DNAJC1: variants seen among roughly 807,000 people sequenced by gnomAD.
DNAJC1 encodes the protein dnaJ homolog subfamily C member 1.
A neutral mutation model predicts 76.6 loss-of-function variants in DNAJC1; 58 were observed. That is an observed-to-expected ratio of 0.76 (90% CI 0.61 to 0.94). The LOEUF is 0.94. DNAJC1 is among the 40% of genes least tolerant of loss of function. DNAJC1 has a pLI of 0.00. For missense variants in DNAJC1, 689 were observed against 677.3 expected (o/e 1.02, Z -0.19); for synonymous variants, 258 against 267.9 (o/e 0.96, Z 0.36).
At chr10:21,969,256 T>C (rs1239639569) in intron 1 of DNAJC1, among the ~76,000 whole-genome samples, 1 of 146,662 alleles carries the variant, frequency 6.8e-6, no homozygotes, top group African/African-American at 2.5e-5. Flanking sequence ...AGGAAAATCC[T>C]AGGGACAAAG....
chr10:21,851,047 C>T (rs1341665881), intron 8 of DNAJC1, among the ~76,000 whole-genome samples: 1 of 152,006 alleles, frequency 6.6e-6, no homozygotes. Flanking sequence ...ATAAGAAAAA[C>T]CATAAAATTC....
At chr10:21,935,069 TACTC>T (rs749852145) in intron 1 of DNAJC1, among the ~76,000 whole-genome samples, 3 of 152,112 alleles carry the variant, frequency 2.0e-5, no homozygotes, top group African/African-American at 4.8e-5. Flanking sequence ...AAATGTCTAA[TACTC>T]AATAAAAAAT....
chr10:21,885,572 T>C (rs760075523), intron 7 of DNAJC1, among the ~76,000 whole-genome samples: 2 of 152,176 alleles, frequency 1.3e-5, no homozygotes, highest in Admixed American at 6.5e-5. Flanking sequence ...TACTCTAAAA[T>C]TGATCACATA....
chr10:21,971,830 A>G (rs367815267), intron 1 of DNAJC1, among the ~76,000 whole-genome samples: 8 of 152,036 alleles, frequency 5.3e-5, no homozygotes, highest in Admixed American at 1.3e-4. Context: ...TCATGGTATT[A>G]CAACTGATGG....
At chr10:21,869,215 C>CAAA (rs552376355) in intron 8 of DNAJC1, among the ~76,000 whole-genome samples, 5 of 94,436 alleles carry the variant, frequency 5.3e-5, no homozygotes, top group African/African-American at 7.7e-5. Context: ...GACCATATCT[C>CAAA]AAAAAAAAAA....
chr10:21,845,866 G>A (rs1373435428), intron 8 of DNAJC1, among the ~76,000 whole-genome samples: 1 of 151,996 alleles, frequency 6.6e-6, no homozygotes, highest in Non-Finnish European at 1.5e-5. Context: ...TATGCCCCCA[G>A]GAAGAAGTAC....
chr10:21,837,118 G>C (rs1278167352), intron 8 of DNAJC1, among the ~76,000 whole-genome samples: 1 of 152,208 alleles, frequency 6.6e-6, no homozygotes, highest in Non-Finnish European at 1.5e-5. Flanking sequence ...TCGCTGTGTT[G>C]GCCAGGCTGG....
chr10:21,920,027 C>G, intron 4 of DNAJC1, 98 bp from the exon 5 acceptor site: 1 of 715,278 alleles, frequency 1.4e-6, no homozygotes, highest in Non-Finnish European at 2.3e-6. Flanking sequence ...TATAGAGGAA[C>G]ATTTATGCAA....
intron 1 of DNAJC1, among the ~76,000 whole-genome samples, chr10:21,934,294 T>C (rs746167231): frequency 1.3e-5 from 2 of 151,942 alleles, no homozygotes; most frequent in Non-Finnish European, 2.9e-5. Flanking sequence ...TACAGCTATA[T>C]ATGAGTTTGT....
intron 1 of DNAJC1, among the ~76,000 whole-genome samples, chr10:21,970,241 T>C (rs992538429): frequency 6.6e-6 from 1 of 152,108 alleles, no homozygotes; most frequent in Non-Finnish European, 1.5e-5. Flanking sequence ...ACACTATACA[T>C]TTGGTAAATT....
chr10:21,795,689 C>A (rs567261176), intron 9 of DNAJC1, among the ~76,000 whole-genome samples: 1 of 152,262 alleles, frequency 6.6e-6, no homozygotes, highest in East Asian at 1.9e-4. Flanking sequence ...GTATACAGTA[C>A]AATACTGTTA....
intron 5 of DNAJC1, among the ~76,000 whole-genome samples, 181 bp downstream of exon 5, chr10:21,919,651 A>C (rs780411406): frequency 5.9e-5 from 9 of 152,012 alleles, no homozygotes; most frequent in Non-Finnish European, 1.3e-4. Context: ...AAAAAACCTG[A>C]AGACATTTTG....
intron 9 of DNAJC1, among the ~76,000 whole-genome samples, chr10:21,773,497 T>C (rs1053556388): frequency 6.6e-6 from 1 of 152,230 alleles, no homozygotes; most frequent in South Asian, 2.1e-4. Flanking sequence ...GAACATACTG[T>C]GTATTATTTC....
intron 1 of DNAJC1, among the ~76,000 whole-genome samples, chr10:21,954,143 G>A (rs2666754): frequency 0.77 from 117,230 of 152,016 alleles, 46,080 homozygotes; most frequent in East Asian, 0.99. Flanking sequence ...GAGGAATAGC[G>A]ATGAGAAACA....
chr10:21,819,379 T>C (rs1047049648), intron 8 of DNAJC1, among the ~76,000 whole-genome samples: 47 of 148,800 alleles, frequency 3.2e-4, no homozygotes, highest in African/African-American at 1.1e-3. Context: ...CCATCCTGGG[T>C]GACAAAAGGG....
At chr10:21,830,792 T>C (rs1461472607) in intron 8 of DNAJC1, among the ~76,000 whole-genome samples, 1 of 152,242 alleles carries the variant, frequency 6.6e-6, no homozygotes, top group South Asian at 2.1e-4. Flanking sequence ...GACCAGATCA[T>C]CTTCTAACTC....
chr10:21,959,124 AACTT>A (rs917306559), intron 1 of DNAJC1, among the ~76,000 whole-genome samples: 9 of 151,910 alleles, frequency 5.9e-5, no homozygotes, highest in African/African-American at 2.2e-4. Flanking sequence ...CAACATACTG[AACTT>A]TTTTCTTTTT....
intron 6 of DNAJC1, among the ~76,000 whole-genome samples, chr10:21,911,981 A>G (rs892931971): frequency 6.6e-6 from 1 of 152,152 alleles, no homozygotes; most frequent in African/African-American, 2.4e-5. Flanking sequence ...GAGGTTAGGT[A>G]TATTTAATGT....
intron 7 of DNAJC1, among the ~76,000 whole-genome samples, chr10:21,886,065 T>A (rs1329844146): frequency 3.3e-5 from 5 of 151,598 alleles, no homozygotes; most frequent in South Asian, 2.1e-4. Context: ...TAAAAAAAAA[T>A]TTAACAAGAT....
Sources: allele counts gnomAD v4.1 joint callset (sites outside exome capture counted in the v4.1 genomes callset), GRCh38; gene constraint gnomAD v4.1.1; transcripts MANE v1.5; gene names NCBI Gene and HGNC (gene_info 2026-07-23, HGNC 2026-07-21).